Variants in RALGAPA1 observed in about 807,000 individuals in gnomAD.
The protein encoded by RALGAPA1 is ral GTPase-activating protein subunit alpha-1.
Under a neutral mutation model 269.6 loss-of-function variants are expected in RALGAPA1, and 52 were observed. That is an observed-to-expected ratio of 0.19 (90% CI 0.15 to 0.24). The LOEUF (loss-of-function observed/expected upper bound fraction) is 0.24, where lower values mean the gene tolerates loss of function less well. Among genes scored for constraint, RALGAPA1 ranks in the 10% least tolerant of loss-of-function variants. The pLI is 1.00. For missense variants in RALGAPA1, 1,917 were observed against 3,013.9 expected, an observed-to-expected ratio of 0.64 and a Z score of 8.52; for synonymous variants, 817 against 1,008.3, an observed-to-expected ratio of 0.81 and a Z score of 3.60.
At chr14:35,648,543 G>A (rs1266358074) in intron 31 of RALGAPA1, among the ~76,000 whole-genome samples, 1 of 151,924 alleles carries the variant, frequency 6.6e-6, no homozygotes, top group Non-Finnish European at 1.5e-5. Context: ...AGCACTTAGG[G>A]AGGCCAAGGC....
At chr14:35,725,919 T>G (rs977593357) in intron 13 of RALGAPA1, among the ~76,000 whole-genome samples, 1 of 152,218 alleles carries the variant, frequency 6.6e-6, no homozygotes, top group Non-Finnish European at 1.5e-5. Context: ...CCAATTCTAT[T>G]ATTATCCTTA....
chr14:35,614,625 T>G (rs1446698079), intron 35 of RALGAPA1, among the ~76,000 whole-genome samples: 3 of 152,052 alleles, frequency 2.0e-5, no homozygotes, highest in African/African-American at 7.2e-5. Context: ...AATCTAAAAA[T>G]GAGATTGGGG....
chr14:35,574,674 A>G (rs961051098), intron 37 of RALGAPA1, among the ~76,000 whole-genome samples: 1 of 152,178 alleles, frequency 6.6e-6, no homozygotes, highest in Non-Finnish European at 1.5e-5. Context: ...ATTGCTAATC[A>G]TTGCTATGTG....
intron 37 of RALGAPA1, among the ~76,000 whole-genome samples, chr14:35,594,445 A>T (rs376924282): frequency 6.6e-6 from 1 of 152,120 alleles, no homozygotes; most frequent in Non-Finnish European, 1.5e-5. Flanking sequence ...AACGGATTAA[A>T]AACTGGACCT....
chr14:35,655,598 A>C (rs2063126357), intron 29 of RALGAPA1, among the ~76,000 whole-genome samples: 1 of 152,096 alleles, frequency 6.6e-6, no homozygotes, highest in African/African-American at 2.4e-5. Flanking sequence ...AATACATAAA[A>C]AGTTGAGATA....
chr14:35,543,094 C>T (rs180677373), intron 41 of RALGAPA1, among the ~76,000 whole-genome samples: 1 of 152,124 alleles, frequency 6.6e-6, no homozygotes, highest in Non-Finnish European at 1.5e-5. Context: ...TTAGAAAGAA[C>T]ATGGGCATAG....
At chr14:35,672,776 A>G in intron 25 of RALGAPA1, 91 bp downstream of exon 25, 1 of 1,229,100 alleles carries the variant, frequency 8.1e-7, no homozygotes, top group South Asian at 1.9e-5. Context: ...TTTAACTTCT[A>G]GACCTTAAAA....
chr14:35,694,872 T>C (rs922766806), intron 17 of RALGAPA1, among the ~76,000 whole-genome samples: 1 of 151,760 alleles, frequency 6.6e-6, no homozygotes, highest in Non-Finnish European at 1.5e-5. Context: ...AGGTCAAGAG[T>C]TCGAGATCAG....
chr14:35,772,522 C>T (rs1421323658), intron 3 of RALGAPA1, among the ~76,000 whole-genome samples: 2 of 152,166 alleles, frequency 1.3e-5, no homozygotes, highest in Non-Finnish European at 2.9e-5. Context: ...TACCTTACTG[C>T]TAAACAGTGC....
intron 35 of RALGAPA1, among the ~76,000 whole-genome samples, chr14:35,619,203 G>C (rs1365357245): frequency 1.3e-5 from 2 of 151,966 alleles, no homozygotes; most frequent in East Asian, 3.8e-4. Flanking sequence ...GTGTTAGAAG[G>C]AGCAAGATTA....
intron 12 of RALGAPA1, among the ~76,000 whole-genome samples, chr14:35,736,560 G>A (rs1303097268): frequency 6.6e-6 from 1 of 152,118 alleles, no homozygotes; most frequent in Non-Finnish European, 1.5e-5. Flanking sequence ...ACAATGAAGT[G>A]AGAAGAAACA....
chr14:35,571,979 A>C (rs1169460047), intron 38 of RALGAPA1, among the ~76,000 whole-genome samples: 1 of 152,204 alleles, frequency 6.6e-6, no homozygotes, highest in Non-Finnish European at 1.5e-5. Context: ...CAGTTTAAAA[A>C]AGGGAAGGAA....
chr14:35,675,069 C>T (rs1392958427), intron 22 of RALGAPA1, among the ~76,000 whole-genome samples: 1 of 152,122 alleles, frequency 6.6e-6, no homozygotes, highest in Admixed American at 6.6e-5. Context: ...GTTATATCAT[C>T]AAATTAATGG....
chr14:35,689,273 T>A lies in RALGAPA1; in HGVS notation c.3138A>T (p.Pro1046=), dbSNP rs1436580581. 1 of 1,232,280 alleles carries A rather than the reference T, an allele frequency of 8.1e-7. No homozygotes were observed. Among genetic ancestry groups the A allele is most frequent in the African/African-American group, 1.6e-5 (1 of 64,434 alleles). 76.3% of individuals were successfully genotyped at this position (1,232,280 alleles called of 1,614,324 possible). A position where few individuals can be genotyped will look rare whatever the true frequency, so the allele number is the denominator to read the frequency against. The change falls in exon 18 of 42, where the codon CCA becomes CCT. Residue 1046 remains proline (P), a synonymous_variant. Coordinates refer to ENST00000680220, the MANE Select transcript of RALGAPA1 (RefSeq NM_001346249.2). Reference sequence around the variant, plus strand: ...AAGGGCTATCTAAACTAGGCTCTGATGGCTGTTTATCAGTGTTTAGTTGCT... The same window carrying A: ...AAGGGCTATCTAAACTAGGCTCTGAAGGCTGTTTATCAGTGTTTAGTTGCT... ...KSKQLNTDKQ[P]SEPSLDSPCD...
chr14:35,710,867 G>T (rs973419364), intron 16 of RALGAPA1, among the ~76,000 whole-genome samples: 1 of 151,996 alleles, frequency 6.6e-6, no homozygotes, highest in Non-Finnish European at 1.5e-5. Context: ...TATTGCACAC[G>T]TTTGCAGCCT....
chr14:35,709,102 T>A (rs1318358557), intron 16 of RALGAPA1, among the ~76,000 whole-genome samples: 1 of 152,066 alleles, frequency 6.6e-6, no homozygotes, highest in Non-Finnish European at 1.5e-5. Flanking sequence ...AAAGGGTAAG[T>A]GCAGATGGTT....
At chr14:35,558,200 A>C (rs8013238) in intron 39 of RALGAPA1, among the ~76,000 whole-genome samples, 3,695 of 152,304 alleles carry the variant, frequency 0.024, 145 homozygotes, top group African/African-American at 0.084. Context: ...TGAGCTACTC[A>C]CTTAAATGAT....
chr14:35,735,624 A>G (rs2141087254), intron 12 of RALGAPA1, among the ~76,000 whole-genome samples: 1 of 152,218 alleles, frequency 6.6e-6, no homozygotes, highest in East Asian at 1.9e-4. Context: ...TGCTCAGGTG[A>G]TGGGTGCACC....
rs142244460 is a variant in RALGAPA1, at chr14:35,750,888, A to G, written c.803-198T>C. On this transcript the variant is annotated intron_variant, in intron 8 of 41. Transcript: ENST00000680220. ...AGAGTGAACCATATATACCAGGATGATATGTGGAAACATGTATTTTTACAA... is the reference window on the plus strand; with the variant it reads ...AGAGTGAACCATATATACCAGGATGGTATGTGGAAACATGTATTTTTACAA... Among the ~76,000 whole-genome samples the G allele has an allele frequency of 3.3e-3, 498 of 152,320 alleles. 4 individuals carry two copies. The highest frequency in any genetic ancestry group is 0.011 in the African/African-American group (471 of 41,574).
Sources: gnomAD v4.1 joint callset for allele counts (sites outside exome capture counted in the v4.1 genomes callset) on GRCh38, gnomAD v4.1.1 for gene constraint, MANE v1.5 for transcripts, NCBI Gene and HGNC (gene_info 2026-07-23, HGNC 2026-07-21) for gene names.